Variants in RNF41 observed in about 807,000 individuals in gnomAD.
RNF41 encodes ring finger protein 41, also known as E3 ubiquitin-protein ligase NRDP1.
RNF41 carries 4 observed loss-of-function variants against 33.0 expected under a neutral mutation model. The ratio of observed to expected loss-of-function variants is 0.12; its 90% CI spans 0.06 to 0.28. The LOEUF (loss-of-function observed/expected upper bound fraction) is 0.28, where lower values mean the gene tolerates loss of function less well. Among genes scored for constraint, RNF41 ranks in the 10% least tolerant of loss-of-function variants. RNF41 has a pLI of 1.00. For synonymous variants in RNF41, 164 were observed against 153.2 expected (o/e 1.07, Z -0.52); for missense variants, 228 against 432.6 (o/e 0.53, Z 4.19).
At chr12:56,208,433 C>T in intron 4 of RNF41, 135 bp from the exon 5 acceptor site, 1 of 853,242 alleles carries the variant, frequency 1.2e-6, no homozygotes, top group East Asian at 2.7e-5. Context: ...TTCAGGCCTC[C>T]CTCTTGTTTA....
chr12:56,212,348 T>C (rs1336386881), intron 3 of RNF41, among the ~76,000 whole-genome samples: 1 of 152,178 alleles, frequency 6.6e-6, no homozygotes, highest in Non-Finnish European at 1.5e-5. Context: ...ATAATTATGA[T>C]GTGGGGAAAT....
intron 1 of RNF41, among the ~76,000 whole-genome samples, chr12:56,217,855 C>T (rs1371052198): frequency 6.6e-6 from 1 of 152,162 alleles, no homozygotes; most frequent in Admixed American, 6.6e-5. Context: ...GGTAGAGTTC[C>T]ATCACAAAAC....
At chr12:56,207,310 C>T (rs756749751) in intron 6 of RNF41, 3 of 1,334,814 alleles carry the variant, frequency 2.2e-6, no homozygotes, top group Non-Finnish European at 3.0e-6. Context: ...TTGTAAGCTA[C>T]CTGAAGACAG....
chr12:56,207,984 A>T (rs1868305539), intron 5 of RNF41, among the ~76,000 whole-genome samples, 179 bp downstream of exon 5: 1 of 152,212 alleles, frequency 6.6e-6, no homozygotes, highest in Non-Finnish European at 1.5e-5. Flanking sequence ...GAATGGGATG[A>T]AGAAAAGTCA....
rs1452988701 is a variant in RNF41 at position 56,210,365 on chromosome 12, G to A, written c.294C>T (p.Asn98=). ...FGCSAVVRLD[N]LMSHLSDCEH... ...CACAGTCGCTGAGGTGAGACATGAG[G>A]TTGTCAAGCCGGACAACGGCACTAC... Residue 98 remains asparagine, a synonymous_variant, in exon 4 of 7, where the codon AAC becomes AAT. Coordinates refer to ENST00000345093, the MANE Select transcript of RNF41 (RefSeq NM_005785.4). 1.9e-6 allele frequency: 3 copies of A among 1,614,200 alleles called. No homozygotes were observed. The East Asian group carries it at 6.7e-5, about 36-fold the overall frequency.
intron 1 of RNF41, among the ~76,000 whole-genome samples, chr12:56,218,017 G>A (rs1486263211): frequency 6.6e-6 from 1 of 152,186 alleles, no homozygotes; most frequent in Non-Finnish European, 1.5e-5. Context: ...GCAATGGCGC[G>A]ATCTTGGCTC....
intron 4 of RNF41, chr12:56,210,087 GC>G: frequency 1.7e-6 from 1 of 584,570 alleles, no homozygotes; most frequent in Non-Finnish European, 3.0e-6. Flanking sequence ...AAATTGCTGT[GC>G]CCCTTCTTTT....
chr12:56,219,780 C>T (rs1156356025), intron 1 of RNF41, among the ~76,000 whole-genome samples: 1 of 151,548 alleles, frequency 6.6e-6, no homozygotes, highest in African/African-American at 2.4e-5. Context: ...TTTGGGAGGC[C>T]GAAGTGAGTG....
At position 56,206,302 on chromosome 12, in the gene RNF41, G is replaced by T; in HGVS notation, c.*145C>A. 1 of 736,674 alleles carries T rather than the reference G, an allele frequency of 1.4e-6. No individual in the cohort carries two copies. Among genetic ancestry groups the T allele is most frequent in the Non-Finnish European group, 2.3e-6 (1 of 440,754 alleles). 45.6% of individuals were successfully genotyped at this position (736,674 alleles called of 1,614,324 possible). A position where few individuals can be genotyped will look rare whatever the true frequency, so the allele number is the denominator to read the frequency against. On this transcript the variant is annotated 3_prime_UTR_variant, in exon 7 of 7. Coordinates refer to ENST00000345093, the MANE Select transcript of RNF41 (RefSeq NM_005785.4). The surrounding 1 kb of genome is among the most constrained non-coding windows in gnomAD (Gnocchi z 5.7). ...GAAAGGCTGAGCAAACTACCCCAAGGCCCTTCAGTGCCAGAAGGGCAGGGA... is the reference window on the plus strand; with the variant it reads ...GAAAGGCTGAGCAAACTACCCCAAGTCCCTTCAGTGCCAGAAGGGCAGGGA...
chr12:56,209,000 G>A (rs577468055), intron 4 of RNF41, among the ~76,000 whole-genome samples: 1 of 151,654 alleles, frequency 6.6e-6, no homozygotes, highest in Non-Finnish European at 1.5e-5. Context: ...GAGTAGCTGG[G>A]ATTACAGGTG....
chr12:56,211,352 A>AATAT lies in RNF41; in HGVS notation c.91-788_91-785dup, dbSNP rs138369744. 1.9e-4 allele frequency among the ~76,000 whole-genome samples: 29 copies of AATAT among 150,024 alleles called. No homozygotes were observed. The South Asian group carries it at 5.5e-3, about 28-fold the overall frequency. On this transcript the variant is annotated intron_variant, in intron 3 of 6. Transcript: ENST00000345093. ...GAACCTGTTTCAAAATAAATAAATA[A>AATAT]ATATATATATATATATTCCCTGTGC...
rs1002184459 is a variant in RNF41 at position 56,218,711 on chromosome 12, TA to T, written c.-208-2099del. On this transcript the variant is annotated intron_variant, in intron 1 of 6. Coordinates refer to ENST00000345093, the MANE Select transcript of RNF41 (RefSeq NM_005785.4). ...ACATATTTATTATATATATATATGT[TA>T]TTTTTTTTTTGAGACAAAGTGTTGC... is the stretch of plus-strand genomic sequence containing the variant. 4.7e-5 allele frequency among the ~76,000 whole-genome samples: 7 copies of T among 148,844 alleles called. No homozygotes were observed. The East Asian group carries it at 5.8e-4, about 12-fold the overall frequency.
chr12:56,220,937 G>A (rs1869356335), intron 1 of RNF41, among the ~76,000 whole-genome samples: 1 of 152,048 alleles, frequency 6.6e-6, no homozygotes, highest in Admixed American at 6.6e-5. Context: ...AACACTATCA[G>A]TCTCTTGCCC....
Position 56,213,810 on chromosome 12 carries a change from C to A in RNF41, c.90+148G>T, listed in dbSNP as rs1868656109. On this transcript the variant is annotated intron_variant, in intron 3 of 6. Transcript: ENST00000345093. The stretch of plus-strand genomic sequence containing the variant: ...CTGGAAGGCCTTATTCTTGTAGTCA[C>A]CATTACTCCTTTGACCTAAATCTCT... 62 of 661,510 alleles carry A rather than the reference C, an allele frequency of 9.4e-5. 2 individuals carry two copies. In the South Asian group the frequency reaches 1.0e-3, roughly 11 times the overall value. The allele number at this position is 661,510 out of a possible 1,614,324, so 41.0% of individuals were successfully genotyped here.
chr12:56,209,679 A>T (rs957671522), intron 4 of RNF41, among the ~76,000 whole-genome samples: 2 of 151,964 alleles, frequency 1.3e-5, no homozygotes, highest in African/African-American at 4.8e-5. Context: ...GGATGGTCTC[A>T]ATCTCCTGAC....
chr12:56,210,157 A>G (rs961758363), intron 4 of RNF41, 140 bp downstream of exon 4: 1 of 815,480 alleles, frequency 1.2e-6, no homozygotes, highest in African/African-American at 1.7e-5. Context: ...AAGATCTTAG[A>G]GCAGGAAGCC....
At chr12:56,210,248 T>C (rs1278185396) in intron 4 of RNF41, 49 bp downstream of exon 4, 2 of 1,589,902 alleles carry the variant, frequency 1.3e-6, no homozygotes, top group Non-Finnish European at 1.7e-6. Flanking sequence ...GACAGGGGCA[T>C]AAATGAGATG....
In RNF41 at chr12:56,205,548, C is replaced by T. The variant is rs1868252288; in HGVS notation, c.*899G>A. On this transcript the variant is annotated 3_prime_UTR_variant, in exon 7 of 7. Coordinates refer to ENST00000345093, the MANE Select transcript of RNF41 (RefSeq NM_005785.4). ...ACAATGTGGCTGAGATAGCCATGAT[C>T]AGGCCATTCTTAAAAAAAAGAGGGG... 1 of 138,670 alleles carries T rather than the reference C, an allele frequency of 7.2e-6. No homozygotes were observed. The allele number at this position is 138,670 out of a possible 1,614,324, so 8.6% of individuals were successfully genotyped here.
intron 2 of RNF41, among the ~76,000 whole-genome samples, chr12:56,214,571 G>A (rs1446322501): frequency 6.7e-6 from 1 of 150,268 alleles, no homozygotes; most frequent in African/African-American, 2.4e-5. Context: ...GCTCACGCCT[G>A]TAATCCCAGC....
Sources: allele counts gnomAD v4.1 joint callset (sites outside exome capture counted in the v4.1 genomes callset), GRCh38; gene constraint gnomAD v4.1.1; non-coding constraint Gnocchi (gnomAD v3.1); transcripts MANE v1.5; gene names NCBI Gene and HGNC (gene_info 2026-07-23, HGNC 2026-07-21).